The following RYR2 variants were observed in gnomAD, a reference collection of about 807,000 sequenced individuals.
RYR2 encodes ryanodine receptor 2.
RYR2 carries 227 observed loss-of-function variants against 601.1 expected under a neutral mutation model. The ratio of observed to expected loss-of-function variants is 0.38; its 90% CI spans 0.34 to 0.42. The LOEUF is 0.42. Among genes scored for constraint, RYR2 ranks in the 10% least tolerant of loss-of-function variants. The pLI, the probability that RYR2 is intolerant of heterozygous loss-of-function variation, is 1.00. For synonymous variants in RYR2, 2,223 were observed against 2,175.1 expected (o/e 1.02, Z -0.61); for missense variants, 4,646 against 6,156.5 (o/e 0.75, Z 8.21).
At position 237,404,450 on chromosome 1, in the gene RYR2, A is replaced by G. The variant is rs1703677165; in HGVS notation, c.774-12599A>G. Reference sequence around the variant, plus strand: ...TGCAAACATAGTAAAAGAATGTAAAATTAAAGGAGAAACCATAAAAATATA... The same window carrying G: ...TGCAAACATAGTAAAAGAATGTAAAGTTAAAGGAGAAACCATAAAAATATA... On this transcript the variant is annotated intron_variant, in intron 10 of 104. Transcript: ENST00000366574. Among the ~76,000 whole-genome samples, 3 of 152,228 alleles carry G rather than the reference A, an allele frequency of 2.0e-5. No individual in the cohort carries two copies. In the South Asian group the frequency reaches 6.2e-4, roughly 32 times the overall value.
chr1:237,270,351 T>G (rs1025387004), intron 1 of RYR2, 146 bp from the exon 2 acceptor site: 18 of 1,161,360 alleles, frequency 1.5e-5, no homozygotes, highest in Non-Finnish European at 2.0e-5. Context: ...CGTAGGGGTT[T>G]CTTTTGGTTG....
intron 1 of RYR2, among the ~76,000 whole-genome samples, chr1:237,108,297 C>T (rs1416189293): frequency 6.6e-6 from 1 of 152,152 alleles, no homozygotes; most frequent in Non-Finnish European, 1.5e-5. Flanking sequence ...ATATGATACT[C>T]CCCTTTCCTG....
At chr1:237,404,091 A>G (rs1703645834) in intron 10 of RYR2, among the ~76,000 whole-genome samples, 1 of 152,066 alleles carries the variant, frequency 6.6e-6, no homozygotes, top group South Asian at 2.1e-4. Flanking sequence ...CCATCTCTAC[A>G]AAAAATACAA....
At chr1:237,508,919 T>G (rs1054827650) in intron 23 of RYR2, among the ~76,000 whole-genome samples, 3 of 151,354 alleles carry the variant, frequency 2.0e-5, no homozygotes, top group Non-Finnish European at 2.9e-5. Flanking sequence ...ATTTTTTGTA[T>G]TTTTAGTAGA....
chr1:237,492,871 G>A, intron 18 of RYR2, 83 bp from the exon 19 acceptor site: 3 of 1,201,810 alleles, frequency 2.5e-6, no homozygotes, highest in Non-Finnish European at 3.3e-6. Context: ...AAGGAAGGAA[G>A]AAGGGAAGGA....
At chr1:237,465,089 T>C (rs1368857758) in intron 16 of RYR2, among the ~76,000 whole-genome samples, 1 of 87,856 alleles carries the variant, frequency 1.1e-5, no homozygotes, top group African/African-American at 3.6e-5. Context: ...TACACACACA[T>C]GCACACACAC....
At chr1:237,814,972 T>C (rs74146904) in intron 100 of RYR2, among the ~76,000 whole-genome samples, 6 of 132,636 alleles carry the variant, frequency 4.5e-5, no homozygotes, top group Admixed American at 7.6e-5. Flanking sequence ...TTTCTTTTTT[T>C]TTTTTTTTTT....
At chr1:237,231,306 T>TTTTCTTTC (rs142958213) in intron 1 of RYR2, among the ~76,000 whole-genome samples, 1 of 151,218 alleles carries the variant, frequency 6.6e-6, no homozygotes, top group African/African-American at 2.4e-5. Context: ...TAGTGTCTTT[T>TTTTCTTTC]TTTCTTTCTT....
rs139029909 is a variant in RYR2 at position 237,574,433 on chromosome 1, TCTC to T, written c.3598+5118_3598+5120del. Among the ~76,000 whole-genome samples the T allele has an allele frequency of 3.5e-3, 533 of 152,242 alleles. 1 individual carries two copies. The highest frequency in any genetic ancestry group is 0.012 in the African/African-American group (497 of 41,538). ...GTGTTCACACCATTTTATATAACCCTCTCCTCTTGAGTGTCAGCAGAACTTGTG... is the reference window on the plus strand; with the variant it reads ...GTGTTCACACCATTTTATATAACCCTCTCTTGAGTGTCAGCAGAACTTGTG... On this transcript the variant is annotated intron_variant, in intron 29 of 104. Coordinates refer to ENST00000366574, the MANE Select transcript of RYR2 (RefSeq NM_001035.3).
At chr1:237,142,883 G>T (rs961139802) in intron 1 of RYR2, among the ~76,000 whole-genome samples, 2 of 152,060 alleles carry the variant, frequency 1.3e-5, no homozygotes, top group Non-Finnish European at 2.9e-5. Flanking sequence ...AGCATTGCAG[G>T]TAATTTCGGG....
chr1:237,820,685 G>C (rs748329542), intron 101 of RYR2, among the ~76,000 whole-genome samples: 3 of 152,110 alleles, frequency 2.0e-5, no homozygotes, highest in African/African-American at 7.2e-5. Flanking sequence ...CCATTCACTC[G>C]CCTGGAAAGG....
chr1:237,044,188 T>G (rs375485051), intron 1 of RYR2, among the ~76,000 whole-genome samples: 1,782 of 9,662 alleles, frequency 0.18, 39 homozygotes, highest in African/African-American at 0.35. Context: ...TATAAGGGTT[T>G]TTTTTTTTTT....
At chr1:237,657,624 T>C (rs1348118686) in intron 53 of RYR2, among the ~76,000 whole-genome samples, 1 of 151,528 alleles carries the variant, frequency 6.6e-6, no homozygotes, top group Non-Finnish European at 1.5e-5. Context: ...GTGTAATCTA[T>C]TGTCCTAATC....
At chr1:237,462,256 C>T (rs1659565937) in intron 16 of RYR2, among the ~76,000 whole-genome samples, 1 of 152,028 alleles carries the variant, frequency 6.6e-6, no homozygotes, top group African/African-American at 2.4e-5. Context: ...ATTTTTTCTT[C>T]AGTGTGTCTA....
intron 24 of RYR2, among the ~76,000 whole-genome samples, chr1:237,513,400 G>C (rs1275454325): frequency 6.6e-6 from 1 of 152,120 alleles, no homozygotes; most frequent in Non-Finnish European, 1.5e-5. Flanking sequence ...GTTTTGTTAA[G>C]AGTAGTAAGG....
chr1:237,648,360 G>C, intron 48 of RYR2, 84 bp from the exon 49 acceptor site: 3 of 1,177,154 alleles, frequency 2.5e-6, no homozygotes, highest in Non-Finnish European at 3.4e-6. Context: ...TGTTTAAAAT[G>C]TAAGAAGTCT....
chr1:237,656,126 T>A (rs1683217640), intron 53 of RYR2, 142 bp downstream of exon 53: 1 of 615,654 alleles, frequency 1.6e-6, no homozygotes. Context: ...CTTTAATTTA[T>A]AAAACGATAG....
At chr1:237,677,034 T>C (rs1685461062) in intron 60 of RYR2, among the ~76,000 whole-genome samples, 1 of 152,152 alleles carries the variant, frequency 6.6e-6, no homozygotes, top group Non-Finnish European at 1.5e-5. Context: ...TAAAAAACCA[T>C]AATTTTCTTT....
chr1:237,117,090 G>A (rs77125434), intron 1 of RYR2, among the ~76,000 whole-genome samples: 7,743 of 152,250 alleles, frequency 0.051, 355 homozygotes, highest in African/African-American at 0.12. Flanking sequence ...TGTGGGTTGA[G>A]AAAGGCCTGT....
Sources: allele counts gnomAD v4.1 joint callset (sites outside exome capture counted in the v4.1 genomes callset), GRCh38; gene constraint gnomAD v4.1.1; transcripts MANE v1.5; gene names NCBI Gene and HGNC (gene_info 2026-07-23, HGNC 2026-07-21).